The following SP140 variants were observed in gnomAD, a reference collection of about 807,000 sequenced individuals.
SP140 encodes nuclear body protein SP140.
SP140 carries 81 observed loss-of-function variants against 125.0 expected under a neutral mutation model. That is an observed-to-expected ratio of 0.65 (90% CI 0.54 to 0.78). The LOEUF (loss-of-function observed/expected upper bound fraction) is 0.78, where lower values mean the gene tolerates loss of function less well. Ranked by LOEUF, SP140 falls within the 30% of genes least tolerant of loss-of-function variation. The pLI, the probability that SP140 is intolerant of heterozygous loss-of-function variation, is 0.00. For missense variants in SP140, 858 were observed against 1,037.0 expected (o/e 0.83, Z 2.37); for synonymous variants, 312 against 354.0 (o/e 0.88, Z 1.33).
intron 12 of SP140, among the ~76,000 whole-genome samples, chr2:230,265,289 C>T (rs1003802160): frequency 6.6e-6 from 1 of 152,076 alleles, no homozygotes; most frequent in African/African-American, 2.4e-5. Flanking sequence ...CCCATGCAAA[C>T]CAAAGGGCCA....
At chr2:230,250,545 A>G (rs2050202418) in intron 9 of SP140, among the ~76,000 whole-genome samples, 1 of 152,130 alleles carries the variant, frequency 6.6e-6, no homozygotes, top group African/African-American at 2.4e-5. Context: ...CCTGATGCCC[A>G]GTATGAGAAA....
In SP140 at chr2:230,211,320, C is replaced by G; in HGVS notation, c.-322-2334C>G. ...TCAGAGGTCGGGTCTCCTGCCTGTT[C>G]AAGCTCCCAAGTGCTGGGTGAACTG... On this transcript the variant is annotated intron_variant, in intron 1 of 4. Transcript: ENST00000456542. This position sits in a 1 kb window ranked among gnomAD's most constrained non-coding sequence, Gnocchi z 4.2. 1.4e-6 allele frequency: 1 copy of G among 695,592 alleles called. No homozygotes were observed. The highest frequency in any genetic ancestry group is 2.6e-6 in the Non-Finnish European group (1 of 380,666). The allele number at this position is 695,592 out of a possible 1,614,324, so 43.1% of individuals were successfully genotyped here. A position where few individuals can be genotyped will look rare whatever the true frequency, so the allele number is the denominator to read the frequency against.
chr2:230,314,964 G>C (rs1256827597), downstream of SP140, among the ~76,000 whole-genome samples: 4 of 152,238 alleles, frequency 2.6e-5, no homozygotes, highest in Non-Finnish European at 5.9e-5. Flanking sequence ...GCAAGATAAA[G>C]TAATTTCCCT....
intron 15 of SP140, among the ~76,000 whole-genome samples, chr2:230,283,815 C>G (rs2055972482): frequency 6.6e-6 from 1 of 152,168 alleles, no homozygotes; most frequent in Non-Finnish European, 1.5e-5. Flanking sequence ...GTCAGCTGCT[C>G]TGCAGCCTGA....
At chr2:230,281,768 A>G (rs1002742852) in intron 15 of SP140, among the ~76,000 whole-genome samples, 126 of 152,296 alleles carry the variant, frequency 8.3e-4, no homozygotes, top group African/African-American at 2.9e-3. Flanking sequence ...AGTAGTGTAC[A>G]TTATCTGGAT....
chr2:230,249,167 A>G (rs905435630), intron 9 of SP140, among the ~76,000 whole-genome samples, 199 bp downstream of exon 9: 1 of 152,152 alleles, frequency 6.6e-6, no homozygotes, highest in Admixed American at 6.5e-5. Context: ...TGAGCCCCTG[A>G]GTGGGGACCA....
intron 5 of SP140, among the ~76,000 whole-genome samples, chr2:230,244,614 T>C (rs6743984): frequency 0.21 from 31,553 of 152,056 alleles, 3,649 homozygotes; most frequent in African/African-American, 0.31. Flanking sequence ...ATCTGCCATG[T>C]GGGATGCAAG....
chr2:230,204,381 G>A (rs1164292884), intron 1 of SP140, among the ~76,000 whole-genome samples: 1 of 152,136 alleles, frequency 6.6e-6, no homozygotes, highest in Non-Finnish European at 1.5e-5. Context: ...CTGGGCTGCT[G>A]GCCACGGGGT....
intron 1 of SP140, among the ~76,000 whole-genome samples, chr2:230,210,165 G>A (rs1431025852): frequency 1.3e-5 from 2 of 152,158 alleles, no homozygotes; most frequent in Non-Finnish European, 2.9e-5. Flanking sequence ...CTTGATTTTT[G>A]CCAACTTGTG....
chr2:230,198,596 ATT>A (rs34926695), upstream of SP140, among the ~76,000 whole-genome samples: 18,171 of 151,380 alleles, frequency 0.12, 1,204 homozygotes, highest in South Asian at 0.27. Flanking sequence ...AAATGATAGA[ATT>A]TTTTTTTCTT....
At chr2:230,193,152 T>C in the SP140 span, among the ~76,000 whole-genome samples, 1 of 152,328 alleles carries the variant, frequency 6.6e-6, no homozygotes, top group South Asian at 2.1e-4. Flanking sequence ...GTCTGTTTTA[T>C]CTGATATGAG....
At chr2:230,198,942 T>C (rs936205193), upstream of SP140, among the ~76,000 whole-genome samples, 1 of 152,016 alleles carries the variant, frequency 6.6e-6, no homozygotes. Context: ...TGCCCTTCTT[T>C]GACTTTGCCA....
At chr2:230,295,407 A>T (rs900192761) in intron 21 of SP140, among the ~76,000 whole-genome samples, 1 of 152,196 alleles carries the variant, frequency 6.6e-6, no homozygotes, top group Non-Finnish European at 1.5e-5. Flanking sequence ...TCACCTATTC[A>T]GTGACTACAC....
chr2:230,297,527 G>A (rs2057857733), intron 22 of SP140, 65 bp downstream of exon 22: 1 of 1,562,648 alleles, frequency 6.4e-7, no homozygotes. Context: ...CATATGTTCT[G>A]TGTCATGACT....
chr2:230,293,944 T>C (rs533056584), intron 20 of SP140, among the ~76,000 whole-genome samples: 2 of 152,302 alleles, frequency 1.3e-5, no homozygotes, highest in South Asian at 4.1e-4. Flanking sequence ...TGGATAGCTC[T>C]GGTGTAAGGA....
chr2:230,235,718 AC>A (rs1196101098), intron 1 of SP140, among the ~76,000 whole-genome samples: 1 of 152,202 alleles, frequency 6.6e-6, no homozygotes, highest in Non-Finnish European at 1.5e-5. Flanking sequence ...AGAACTACAA[AC>A]TTTTGTGATT....
At chr2:230,238,896 G>A (rs2149116086) in intron 3 of SP140, 1 of 1,550,902 alleles carries the variant, frequency 6.4e-7, no homozygotes. Flanking sequence ...CAGAAAAGGG[G>A]GTTGGTGGGG....
At chr2:230,263,033 C>T (rs796257695) in intron 12 of SP140, among the ~76,000 whole-genome samples, 26 of 152,214 alleles carry the variant, frequency 1.7e-4, no homozygotes, top group African/African-American at 5.3e-4. Flanking sequence ...TTCTTGATGA[C>T]CTGTCTAGTG....
chr2:230,251,137 T>G, intron 10 of SP140, 76 bp downstream of exon 10: 1 of 1,232,012 alleles, frequency 8.1e-7, no homozygotes, highest in Non-Finnish European at 1.2e-6. Context: ...GTTTCCTGAT[T>G]GTCTTTCCTC....
Sources: allele counts gnomAD v4.1 joint callset (sites outside exome capture counted in the v4.1 genomes callset), GRCh38; gene constraint gnomAD v4.1.1; non-coding constraint Gnocchi (gnomAD v3.1); transcripts MANE v1.5; gene names NCBI Gene and HGNC (gene_info 2026-07-23, HGNC 2026-07-21).